Variants in C10orf67 observed in about 807,000 individuals in gnomAD.
The protein encoded by C10orf67 is chromosome 10 open reading frame 67, also known as uncharacterized protein C10orf67, mitochondrial.
C10orf67 carries 60 observed loss-of-function variants against 35.6 expected under a neutral mutation model. That is an observed-to-expected ratio of 1.68 (90% CI 1.37 to 2.09). The LOEUF is 2.09. Ranked by LOEUF, C10orf67 falls within the 30% of genes most tolerant of loss-of-function variation. C10orf67 has a pLI of 0.00. For synonymous variants in C10orf67, 167 were observed against 115.8 expected, an observed-to-expected ratio of 1.44 and a Z score of -2.84; for missense variants, 474 against 330.2, an observed-to-expected ratio of 1.44 and a Z score of -3.38.
At chr10:23,225,052 C>T (rs1841698565) in intron 13 of C10orf67, among the ~76,000 whole-genome samples, 1 of 152,028 alleles carries the variant, frequency 6.6e-6, no homozygotes, top group Non-Finnish European at 1.5e-5. Context: ...AGAGCAACTC[C>T]AAGACACATA....
At chr10:23,342,536 A>T (rs1845939225) in intron 1 of C10orf67, among the ~76,000 whole-genome samples, 1 of 152,136 alleles carries the variant, frequency 6.6e-6, no homozygotes, top group Non-Finnish European at 1.5e-5. Flanking sequence ...AGCACCCGGC[A>T]CCATCGGTCT....
chr10:23,242,860 CTTG>C (rs1233722359), intron 12 of C10orf67, among the ~76,000 whole-genome samples: 1 of 152,064 alleles, frequency 6.6e-6, no homozygotes, highest in African/African-American at 2.4e-5. Flanking sequence ...TAGAAAACAA[CTTG>C]TTAAGTAGTA....
intron 4 of C10orf67, among the ~76,000 whole-genome samples, chr10:23,319,096 C>A (rs1451849709): frequency 1.3e-5 from 2 of 152,128 alleles, no homozygotes; most frequent in African/African-American, 4.8e-5. Flanking sequence ...CAGATTATTT[C>A]ATCATGCAGG....
chr10:23,210,425 T>A (rs1050613324), intron 15 of C10orf67, among the ~76,000 whole-genome samples: 1 of 152,086 alleles, frequency 6.6e-6, no homozygotes, highest in Non-Finnish European at 1.5e-5. Context: ...GACTCAATTT[T>A]TTTTTCCTTT....
At chr10:23,209,509 T>C (rs1465068799) in intron 15 of C10orf67, among the ~76,000 whole-genome samples, 1 of 151,982 alleles carries the variant, frequency 6.6e-6, no homozygotes, top group Non-Finnish European at 1.5e-5. Context: ...TACTTGAAAT[T>C]TGCTAAGAGG....
intron 10 of C10orf67, among the ~76,000 whole-genome samples, chr10:23,258,014 A>G (rs1176510327): frequency 2.0e-5 from 3 of 152,082 alleles, no homozygotes; most frequent in East Asian, 1.9e-4. Context: ...ATTTATTTCA[A>G]TCTCTACTAT....
At chr10:23,291,356 C>G in intron 5 of C10orf67, 77 bp from the exon 6 acceptor site, 1 of 624,302 alleles carries the variant, frequency 1.6e-6, no homozygotes, top group Non-Finnish European at 2.8e-6. Flanking sequence ...AATACAGATA[C>G]AGAAAAGCTA....
At chr10:23,221,631 C>A (rs1841583637) in intron 15 of C10orf67, among the ~76,000 whole-genome samples, 1 of 152,150 alleles carries the variant, frequency 6.6e-6, no homozygotes, top group Admixed American at 6.5e-5. Flanking sequence ...TGCAATATTG[C>A]CACTGTGCAA....
intron 10 of C10orf67, among the ~76,000 whole-genome samples, chr10:23,261,070 T>C (rs1290113196): frequency 6.6e-6 from 1 of 152,206 alleles, no homozygotes; most frequent in Non-Finnish European, 1.5e-5. Flanking sequence ...TTCAAATAAA[T>C]GTTCACTGTA....
At chr10:23,343,506 C>T (rs1418299958) in intron 1 of C10orf67, among the ~76,000 whole-genome samples, 2 of 152,106 alleles carry the variant, frequency 1.3e-5, no homozygotes, top group Admixed American at 6.5e-5. Context: ...TTACAGCAGC[C>T]CGAGGGGACT....
At chr10:23,277,591 A>T (rs1843230204) in intron 8 of C10orf67, among the ~76,000 whole-genome samples, 1 of 152,134 alleles carries the variant, frequency 6.6e-6, no homozygotes, top group African/African-American at 2.4e-5. Flanking sequence ...ACGTATACAA[A>T]ATACACACAT....
intron 13 of C10orf67, among the ~76,000 whole-genome samples, chr10:23,225,173 G>A (rs1328563730): frequency 1.1e-4 from 16 of 152,244 alleles, no homozygotes; most frequent in South Asian, 4.1e-4. Context: ...CGGATCTCTC[G>A]GCAGAAACTC....
At chr10:23,223,087 T>TG (rs199657860) in intron 15 of C10orf67, among the ~76,000 whole-genome samples, 4 of 152,088 alleles carry the variant, frequency 2.6e-5, no homozygotes, top group African/African-American at 9.7e-5. Flanking sequence ...CTATTTTTTT[T>TG]TTTAAATTTA....
rs925181350 is a variant in C10orf67, at chr10:23,203,916, C to T, written c.*257G>A. ...CGGAGCTCCTGAATGGATGTGGTTG[C>T]CCCGGAGGTTCAGTGCGCCCCGCTC... On this transcript the variant is annotated 3_prime_UTR_variant, in exon 16 of 16. Coordinates refer to ENST00000636213, the MANE Select transcript of C10orf67 (RefSeq NM_001371909.1). 9.5e-5 allele frequency: 30 copies of T among 315,340 alleles called. No homozygotes were observed. In the Middle Eastern group the frequency reaches 4.1e-3, roughly 44 times the overall value. The allele number at this position is 315,340 out of a possible 1,614,324, so 19.5% of individuals were successfully genotyped here.
At chr10:23,315,790 A>G (rs1342027466) in intron 4 of C10orf67, among the ~76,000 whole-genome samples, 4 of 152,060 alleles carry the variant, frequency 2.6e-5, no homozygotes, top group Non-Finnish European at 5.9e-5. Context: ...ATAAACAAGA[A>G]TAATACCGGA....
At chr10:23,206,490 A>G (rs1379103646) in intron 15 of C10orf67, among the ~76,000 whole-genome samples, 1 of 152,222 alleles carries the variant, frequency 6.6e-6, no homozygotes, top group South Asian at 2.1e-4. Flanking sequence ...TTTGTTTGAA[A>G]TCTTCGGCAC....
At chr10:23,340,349 CAAAAA>C (rs34098221) in intron 1 of C10orf67, among the ~76,000 whole-genome samples, 2 of 118,606 alleles carry the variant, frequency 1.7e-5, no homozygotes, top group Non-Finnish European at 1.7e-5. Context: ...TACAAAAATA[CAAAAA>C]AAAAAAAAAA....
intron 1 of C10orf67, among the ~76,000 whole-genome samples, chr10:23,335,779 G>A (rs1220712632): frequency 6.6e-6 from 1 of 152,146 alleles, no homozygotes; most frequent in Non-Finnish European, 1.5e-5. Flanking sequence ...AGGTAGTGGT[G>A]AGCCTCATTT....
chr10:23,237,383 A>T (rs1379863232), intron 13 of C10orf67, among the ~76,000 whole-genome samples: 22 of 152,110 alleles, frequency 1.4e-4, no homozygotes, highest in Admixed American at 1.4e-3. Context: ...ATGCAGTTAA[A>T]CACACACACT....
Sources: gnomAD v4.1 joint callset for allele counts (sites outside exome capture counted in the v4.1 genomes callset) on GRCh38, gnomAD v4.1.1 for gene constraint, MANE v1.5 for transcripts, NCBI Gene and HGNC (gene_info 2026-07-23, HGNC 2026-07-21) for gene names.